ORC1: variants seen among roughly 807,000 people sequenced by gnomAD.
ORC1 encodes origin recognition complex, subunit 1 homolog.
A neutral mutation model predicts 98.9 loss-of-function variants in ORC1; 61 were observed. That is an observed-to-expected ratio of 0.62 (90% CI 0.50 to 0.76). ORC1 has a LOEUF of 0.76. Ranked by LOEUF, ORC1 falls within the 30% of genes least tolerant of loss-of-function variation. The pLI is 0.00. For synonymous variants in ORC1, 385 were observed against 406.9 expected, an observed-to-expected ratio of 0.95 and a Z score of 0.65; for missense variants, 979 against 1,072.2, an observed-to-expected ratio of 0.91 and a Z score of 1.21.
intron 16 of ORC1, 38 bp downstream of exon 16, chr1:52,374,772 C>T: frequency 7.0e-7 from 1 of 1,428,730 alleles, no homozygotes; most frequent in Non-Finnish European, 9.9e-7. Flanking sequence ...AAGCGTAAGT[C>T]CAAAATCTAG....
At chr1:52,378,921 T>C (rs1006431691) in intron 14 of ORC1, among the ~76,000 whole-genome samples, 2 of 151,224 alleles carry the variant, frequency 1.3e-5, no homozygotes, top group Non-Finnish European at 2.9e-5. Flanking sequence ...TAGTCCCAGC[T>C]ACTCGGGAGG....
At chr1:52,380,028 G>T (rs1005036182) in intron 14 of ORC1, among the ~76,000 whole-genome samples, 1 of 152,196 alleles carries the variant, frequency 6.6e-6, no homozygotes, top group Non-Finnish European at 1.5e-5. Flanking sequence ...TTGTAGAAGA[G>T]GTGTCCCTTA....
intron 3 of ORC1, among the ~76,000 whole-genome samples, chr1:52,399,675 G>T (rs1231958037): frequency 1.3e-5 from 2 of 151,580 alleles, no homozygotes; most frequent in Non-Finnish European, 2.9e-5. Context: ...GGGCATGGTG[G>T]CAGGTGCCTG....
chr1:52,377,798 G>A (rs894360915), intron 14 of ORC1, among the ~76,000 whole-genome samples: 8 of 150,024 alleles, frequency 5.3e-5, no homozygotes, highest in African/African-American at 2.0e-4. Flanking sequence ...TGAATTCCAT[G>A]CATATAGTAA....
In ORC1 at chr1:52,399,809, T is replaced by TCACACACA. The variant is rs111460694; in HGVS notation, c.223+1545_223+1552dup. ...GTGACACAGCAAGATTCTGTCACTG[T>TCACACACA]CACACACACACACACACACACACAC... On this transcript the variant is annotated intron_variant, in intron 3 of 16. Coordinates refer to ENST00000371568, the MANE Select transcript of ORC1 (RefSeq NM_004153.4). Among the ~76,000 whole-genome samples the TCACACACA allele has an allele frequency of 2.4e-3, 346 of 146,122 alleles. 1 individual carries two copies. The highest frequency in any genetic ancestry group is 7.0e-3 in the African/African-American group (278 of 39,494).
At position 52,373,197 on chromosome 1, in the gene ORC1, G is replaced by C; in HGVS notation, c.2570C>G (p.Ala857Gly). 3.7e-6 allele frequency: 6 copies of C among 1,614,040 alleles called. No individual in the cohort carries two copies. The highest frequency in any genetic ancestry group is 5.1e-6 in the Non-Finnish European group (6 of 1,179,988). Residue 857 changes from alanine (A) to glycine (G), a missense_variant, in exon 17 of 17, where the codon GCG becomes GGG. Coordinates refer to ENST00000371568, the MANE Select transcript of ORC1 (RefSeq NM_004153.4). ...GAAGCCCCTTTACTCGTCTTTCAGC[G>C]CATACAGCACATCATCCTGGCTGAC... ...LNVSQDDVLY[A>G]LKDE is the part of the protein sequence containing the mutation.
In ORC1 at chr1:52,383,944, T is replaced by C. The variant is rs1342060891; in HGVS notation, c.1756-7A>G. ...CTTTTTGGCCTGTTAGCTTCTGCAT[T>C]AGGAGAAACACAGTTGTGAGGAACT... On this transcript the variant is annotated splice_polypyrimidine_tract_variant and splice_region_variant and intron_variant, in intron 11 of 16. Transcript: ENST00000371568. The C allele has an allele frequency of 6.2e-7, 1 of 1,611,540 alleles. No homozygotes were observed. The highest frequency in any genetic ancestry group is 8.5e-7 in the Non-Finnish European group (1 of 1,177,742).
chr1:52,397,232 G>C (rs1378105332), intron 4 of ORC1, among the ~76,000 whole-genome samples: 1 of 152,084 alleles, frequency 6.6e-6, no homozygotes, highest in African/African-American at 2.4e-5. Flanking sequence ...CTCATAACCA[G>C]TGACTTACTT....
upstream of ORC1, among the ~76,000 whole-genome samples, chr1:52,406,251 C>T (rs149326603): frequency 2.4e-3 from 372 of 152,294 alleles, 3 homozygotes; most frequent in Admixed American, 7.5e-3. Context: ...CCGGGCCTCC[C>T]AGAGTGCTGG....
upstream of ORC1, chr1:52,408,556 A>T (rs764752516): frequency 6.2e-7 from 1 of 1,614,110 alleles, no homozygotes; most frequent in Non-Finnish European, 8.5e-7. Context: ...TTTCACTGTC[A>T]TCTGTCTCTC....
chr1:52,397,164 A>C (rs1647443239), intron 4 of ORC1, among the ~76,000 whole-genome samples: 1 of 152,120 alleles, frequency 6.6e-6, no homozygotes, highest in South Asian at 2.1e-4. Flanking sequence ...GCATACAACC[A>C]CACCTCACAT....
rs559937145 is a variant in ORC1, at chr1:52,403,713, AAAG to A, written c.-6+530_-6+532del. On this transcript the variant is annotated intron_variant, in intron 1 of 16. Transcript: ENST00000371568. The stretch of plus-strand genomic sequence containing the variant: ...GGGGGCCACCAGACTTCTCTTCTGA[AAAG>A]AAGGTGAATGACAGACAGCCCAGCA... Among the ~76,000 whole-genome samples the A allele has an allele frequency of 4.6e-5, 7 of 152,290 alleles. No individual in the cohort carries two copies. In the East Asian group the frequency reaches 1.4e-3, roughly 29 times the overall value.
chr1:52,408,278 A>C (rs900288826), upstream of ORC1: 1 of 487,188 alleles, frequency 2.1e-6, no homozygotes, highest in Admixed American at 2.8e-5. Context: ...TTTGATTCTT[A>C]GAGTAATCCT....
chr1:52,393,387 T>C (rs2147937338), intron 6 of ORC1, 56 bp downstream of exon 6: 1 of 1,611,522 alleles, frequency 6.2e-7, no homozygotes, highest in Non-Finnish European at 8.5e-7. Context: ...ATGACTCACA[T>C]ACTTCACGTG....
At chr1:52,408,010 C>T (rs979744225), upstream of ORC1, among the ~76,000 whole-genome samples, 5 of 152,210 alleles carry the variant, frequency 3.3e-5, no homozygotes, top group Admixed American at 6.5e-5. Flanking sequence ...GAATTGAGAT[C>T]GTGCCACTGC....
At chr1:52,392,158 G>C (rs1193193574) in intron 6 of ORC1, among the ~76,000 whole-genome samples, 1 of 150,704 alleles carries the variant, frequency 6.6e-6, no homozygotes, top group African/African-American at 2.4e-5. Context: ...TTGAGATGGA[G>C]TCTCGCTGTC....
At chr1:52,405,948 A>C (rs1001582262), upstream of ORC1, 92 of 927,372 alleles carry the variant, frequency 9.9e-5, no homozygotes, top group East Asian at 2.3e-3. Context: ...AGAGAGTTCC[A>C]CTCCAGATTT....
chr1:52,404,963 C>G, upstream of ORC1: 1 of 1,516,082 alleles, frequency 6.6e-7, no homozygotes, highest in Non-Finnish European at 9.0e-7. Flanking sequence ...AGCGACTGGC[C>G]TCTGGGGGTG....
intron 6 of ORC1, among the ~76,000 whole-genome samples, chr1:52,392,168 C>T (rs974075219): frequency 6.7e-6 from 1 of 150,316 alleles, no homozygotes; most frequent in Non-Finnish European, 1.5e-5. Flanking sequence ...GTCTCGCTGT[C>T]GCCCAGGCTG....
Sources: allele counts gnomAD v4.1 joint callset (sites outside exome capture counted in the v4.1 genomes callset), GRCh38; gene constraint gnomAD v4.1.1; transcripts MANE v1.5; gene names NCBI Gene and HGNC (gene_info 2026-07-23, HGNC 2026-07-21).